The following SCLT1 variants were observed in gnomAD, a reference collection of about 807,000 sequenced individuals.
SCLT1 encodes the protein sodium channel and clathrin linker 1, also known as sodium channel-associated protein 1.
In SCLT1, 78 loss-of-function variants were observed where a neutral mutation model predicts 112.8. That is an observed-to-expected ratio of 0.69 (90% confidence interval 0.58 to 0.83). The LOEUF is 0.83. Among genes scored for constraint, SCLT1 ranks in the 40% least tolerant of loss-of-function variants. The pLI is 0.00. For synonymous variants in SCLT1, 257 were observed against 254.7 expected, an observed-to-expected ratio of 1.01 and a Z score of -0.09; for missense variants, 747 against 770.4, an observed-to-expected ratio of 0.97 and a Z score of 0.36.
chr4:129,039,924 ACACACACAAAAC>A, intron 4 of SCLT1: 1 of 466,756 alleles, frequency 2.1e-6, no homozygotes, highest in East Asian at 3.5e-5. Flanking sequence ...ACACACACAC[ACACACACAAAAC>A]CCTGAATTTA....
intron 17 of SCLT1, among the ~76,000 whole-genome samples, chr4:128,942,134 C>CT (rs1309233725): frequency 1.3e-5 from 2 of 151,994 alleles, no homozygotes; most frequent in African/African-American, 4.8e-5. Context: ...GTACAAACTT[C>CT]TTTTTAAATA....
intron 14 of SCLT1, among the ~76,000 whole-genome samples, chr4:128,951,630 C>G (rs4975191): frequency 0.28 from 43,127 of 151,874 alleles, 6,332 homozygotes; most frequent in South Asian, 0.35. Context: ...TTCTACTCCT[C>G]TTTTTCCACA....
intron 5 of SCLT1, among the ~76,000 whole-genome samples, chr4:129,004,947 C>G (rs1344288562): frequency 6.6e-6 from 1 of 151,444 alleles, no homozygotes; most frequent in Non-Finnish European, 1.5e-5. Flanking sequence ...TTTTTAAAAA[C>G]TTTTATTTTT....
intron 2 of SCLT1, among the ~76,000 whole-genome samples, chr4:129,074,323 A>G (rs1751274076): frequency 6.6e-6 from 1 of 152,200 alleles, no homozygotes; most frequent in African/African-American, 2.4e-5. Flanking sequence ...TTCTAATAAC[A>G]ATTGCTAAGA....
At position 128,888,678 on chromosome 4, in the gene SCLT1, C is replaced by T. The variant is rs1733077985; in HGVS notation, c.2004+1G>A. On this transcript the variant is annotated splice_donor_variant, in intron 20 of 20. Transcript: ENST00000281142. LOFTEE classifies it high-confidence loss of function. ...TCTAGGGATAAGAGGATGCTCCCTA[C>T]CTGCTGGGAAGCTGAAGCAGCTCTC... 1.3e-6 allele frequency: 2 copies of T among 1,596,478 alleles called. No individual in the cohort carries two copies. Among genetic ancestry groups the T allele is most frequent in the Non-Finnish European group, 1.7e-6 (2 of 1,165,220 alleles).
At chr4:129,023,867 T>G (rs143704689) in intron 5 of SCLT1, among the ~76,000 whole-genome samples, 1 of 152,076 alleles carries the variant, frequency 6.6e-6, no homozygotes, top group Non-Finnish European at 1.5e-5. Flanking sequence ...GCTTAGAAAA[T>G]GGCACACCAG....
chr4:129,079,629 C>T (rs185201583), intron 2 of SCLT1, among the ~76,000 whole-genome samples: 32 of 152,310 alleles, frequency 2.1e-4, no homozygotes, highest in African/African-American at 7.7e-4. Flanking sequence ...CATTGAGTGC[C>T]TGAGGCTTTT....
chr4:128,921,465 C>CAATGGAACAGAATAGACAGCCCAGA lies in SCLT1; in HGVS notation c.1829+15165_1829+15189dup, dbSNP rs1260449664. Among the ~76,000 whole-genome samples the CAATGGAACAGAATAGACAGCCCAGA allele has an allele frequency of 3.3e-5, 5 of 152,168 alleles. No homozygotes were observed. The East Asian group carries it at 9.7e-4, about 29-fold the overall frequency. On this transcript the variant is annotated intron_variant, in intron 18 of 20. Transcript: ENST00000281142. ...CTGGTAAAAAATAAGACACATAGAC[C>CAATGGAACAGAATAGACAGCCCAGA]AATGGAACAGAATAGACAGCCCAGA...
intron 8 of SCLT1, among the ~76,000 whole-genome samples, chr4:128,993,711 G>T (rs546196958): frequency 6.6e-6 from 1 of 152,060 alleles, no homozygotes; most frequent in African/African-American, 2.4e-5. Context: ...CTTTTTCACT[G>T]ATTATTTCAT....
chr4:129,038,908 G>T, intron 5 of SCLT1, 133 bp downstream of exon 5: 1 of 660,334 alleles, frequency 1.5e-6, no homozygotes, highest in Non-Finnish European at 2.8e-6. Flanking sequence ...ATCGAGCCAG[G>T]AGTCAAATAG....
At chr4:129,057,846 G>A (rs1009391331) in intron 2 of SCLT1, among the ~76,000 whole-genome samples, 5 of 151,716 alleles carry the variant, frequency 3.3e-5, no homozygotes, top group African/African-American at 1.2e-4. Flanking sequence ...CTACCTCCCA[G>A]GTTCAAGTGA....
intron 18 of SCLT1, among the ~76,000 whole-genome samples, chr4:128,913,293 C>A (rs924736108): frequency 1.3e-5 from 2 of 152,104 alleles, no homozygotes; most frequent in Non-Finnish European, 2.9e-5. Context: ...AGCATTACAG[C>A]CAAGTTGACA....
At chr4:129,083,500 A>G (rs1752138190) in intron 1 of SCLT1, among the ~76,000 whole-genome samples, 1 of 151,974 alleles carries the variant, frequency 6.6e-6, no homozygotes, top group Non-Finnish European at 1.5e-5. Context: ...GAAGTTCAGA[A>G]ATCACTTTTG....
At chr4:128,897,694 C>A (rs183085694) in intron 18 of SCLT1, among the ~76,000 whole-genome samples, 4 of 152,032 alleles carry the variant, frequency 2.6e-5, no homozygotes, top group African/African-American at 7.2e-5. Context: ...AATGTAAATG[C>A]GCTAAATGCT....
At chr4:129,087,424 C>T (rs1048935602) in intron 1 of SCLT1, among the ~76,000 whole-genome samples, 3 of 151,642 alleles carry the variant, frequency 2.0e-5, no homozygotes, top group Admixed American at 1.3e-4. Flanking sequence ...AAAATATTTT[C>T]CAAGTAATTC....
intron 5 of SCLT1, among the ~76,000 whole-genome samples, chr4:129,027,922 C>G (rs1746279221): frequency 6.6e-6 from 1 of 152,166 alleles, no homozygotes; most frequent in African/African-American, 2.4e-5. Context: ...AACTCCCATT[C>G]ACAATTGCTT....
rs191114512 is a variant in SCLT1 at position 129,035,264 on chromosome 4, C to T, written c.290+3777G>A. On this transcript the variant is annotated intron_variant, in intron 5 of 20. Coordinates refer to ENST00000281142, the MANE Select transcript of SCLT1 (RefSeq NM_144643.4). ...AAATGGCTATAGCAGCTTCACACAT[C>T]ACTTTCTAAAATGACAAGGAGCAGG... 3.0e-4 allele frequency among the ~76,000 whole-genome samples: 46 copies of T among 152,264 alleles called. 1 individual carries two copies. The East Asian group carries it at 8.5e-3, about 28-fold the overall frequency.
intron 4 of SCLT1, among the ~76,000 whole-genome samples, chr4:128,876,016 A>AGAT (rs576038453): frequency 6.6e-6 from 1 of 152,232 alleles, no homozygotes; most frequent in Middle Eastern, 3.4e-3. Context: ...ATTTCTGAAA[A>AGAT]GATTGTTTCC....
At chr4:128,959,069 A>G (rs938046274) in intron 12 of SCLT1, among the ~76,000 whole-genome samples, 1 of 152,198 alleles carries the variant, frequency 6.6e-6, no homozygotes, top group Non-Finnish European at 1.5e-5. Context: ...ACTTAAATGT[A>G]TCATTCATAG....
Sources: allele counts gnomAD v4.1 joint callset (sites outside exome capture counted in the v4.1 genomes callset), GRCh38; gene constraint gnomAD v4.1.1; transcripts MANE v1.5; gene names NCBI Gene and HGNC (gene_info 2026-07-23, HGNC 2026-07-21).